SETD5: variants seen among roughly 807,000 people sequenced by gnomAD.
SETD5 encodes the protein histone-lysine N-methyltransferase SETD5.
Under a neutral mutation model 153.3 loss-of-function variants are expected in SETD5, and 44 were observed. The observed-to-expected ratio is 0.29, with a 90% CI of 0.23 to 0.37. The LOEUF (loss-of-function observed/expected upper bound fraction) is 0.37, where lower values mean the gene tolerates loss of function less well. SETD5 is among the 10% of genes least tolerant of loss of function. The probability of loss-of-function intolerance (pLI) is 1.00; values close to 1 mark genes in which losing one functional copy is unlikely to be tolerated. For missense variants in SETD5, 1,544 were observed against 1,768.0 expected, an observed-to-expected ratio of 0.87 and a Z score of 2.27; for synonymous variants, 716 against 645.2, an observed-to-expected ratio of 1.11 and a Z score of -1.66.
At chr3:9,457,664 A>G (rs951209910) in intron 17 of SETD5, among the ~76,000 whole-genome samples, 2 of 150,806 alleles carry the variant, frequency 1.3e-5, no homozygotes, top group African/African-American at 4.8e-5. Context: ...CTGCCTAGGA[A>G]TAACCTTAGT....
chr3:9,472,779 C>A (rs1022727347), intron 19 of SETD5, among the ~76,000 whole-genome samples: 1 of 152,044 alleles, frequency 6.6e-6, no homozygotes, highest in African/African-American at 2.4e-5. Flanking sequence ...TCTCAAACAG[C>A]TAACTCTAGG....
intron 16 of SETD5, among the ~76,000 whole-genome samples, chr3:9,450,382 A>G (rs2042477981): frequency 6.6e-6 from 1 of 152,230 alleles, no homozygotes; most frequent in East Asian, 1.9e-4. Context: ...CAGGATTATC[A>G]TAACAAGACT....
At chr3:9,465,178 TG>T (rs1206829993) in intron 18 of SETD5, among the ~76,000 whole-genome samples, 1 of 152,206 alleles carries the variant, frequency 6.6e-6, no homozygotes, top group African/African-American at 2.4e-5. Flanking sequence ...TTATGGCGAA[TG>T]TGGGTTTTTT....
intron 1 of SETD5, among the ~76,000 whole-genome samples, chr3:9,401,465 A>C (rs1319042765): frequency 6.6e-6 from 1 of 152,206 alleles, no homozygotes; most frequent in Non-Finnish European, 1.5e-5. Flanking sequence ...ATACCCTTGA[A>C]AACTTTTTTA....
At chr3:9,454,750 C>G (rs1402643046) in intron 17 of SETD5, among the ~76,000 whole-genome samples, 4 of 150,550 alleles carry the variant, frequency 2.7e-5, no homozygotes, top group African/African-American at 9.8e-5. Context: ...CAGTGACTTG[C>G]AAAGGATGTA....
intron 17 of SETD5, among the ~76,000 whole-genome samples, chr3:9,460,528 A>G (rs2043831214): frequency 6.6e-6 from 1 of 152,072 alleles, no homozygotes; most frequent in African/African-American, 2.4e-5. Context: ...CTAGAACAGA[A>G]TAACTGGAAT....
intron 12 of SETD5, 44 bp downstream of exon 12, chr3:9,445,344 C>T (rs372688203): frequency 8.9e-6 from 14 of 1,577,488 alleles, no homozygotes; most frequent in East Asian, 2.3e-5. Flanking sequence ...CATCAATCCT[C>T]CAAAGGAAGA....
rs1194452034 is a variant in SETD5 at position 9,445,045 on chromosome 3, C to T, written c.1188-3C>T. On this transcript the variant is annotated splice_polypyrimidine_tract_variant and splice_region_variant and intron_variant, in intron 11 of 22. Coordinates refer to ENST00000402198, the MANE Select transcript of SETD5 (RefSeq NM_001080517.3). The stretch of plus-strand genomic sequence containing the variant: ...AGGCATTTTGGTTGTTTCTTTGGAG[C>T]AGTAATTATAAAGTGGACTGTGCCT... The T allele has an allele frequency of 9.9e-6, 16 of 1,611,230 alleles. No individual in the cohort carries two copies. The highest frequency in any genetic ancestry group is 1.4e-5 in the Non-Finnish European group (16 of 1,178,528).
At position 9,473,205 on chromosome 3, in the gene SETD5, GT is replaced by G. The variant is rs1559493026; in HGVS notation, c.3196-25del. On this transcript the variant is annotated intron_variant, in intron 19 of 22. Transcript: ENST00000402198. ...ACTAATGATATCCAGATAGAGTACC[GT>G]TTTTTGTTTGTTTGTTTTTTCCTTT... is the stretch of plus-strand genomic sequence containing the variant. The G allele has an allele frequency of 1.9e-6, 3 of 1,599,470 alleles. No individual in the cohort carries two copies. The East Asian group carries it at 6.7e-5, about 36-fold the overall frequency.
chr3:9,413,644 G>A (rs1477714581), intron 1 of SETD5, among the ~76,000 whole-genome samples: 1 of 126,964 alleles, frequency 7.9e-6, no homozygotes. Context: ...GGTGGGGGGA[G>A]GCGGGGTGTG....
Position 9,441,994 on chromosome 3 carries a change from A to T in SETD5, c.960-134A>T. ...TTGTTCTTTAATCAAAAGCAGACAA[A>T]CGTGATGCTTTCCCAAGTTTAGGCG... On this transcript the variant is annotated intron_variant, in intron 9 of 22. Transcript: ENST00000402198. 5 of 737,952 alleles carry T rather than the reference A, an allele frequency of 6.8e-6. No homozygotes were observed. The South Asian group carries it at 7.2e-5, about 11-fold the overall frequency. The allele number at this position is 737,952 out of a possible 1,614,324, so 45.7% of individuals were successfully genotyped here.
chr3:9,471,225 A>T (rs2045264911), intron 19 of SETD5, among the ~76,000 whole-genome samples: 1 of 152,220 alleles, frequency 6.6e-6, no homozygotes, highest in Non-Finnish European at 1.5e-5. Context: ...GCACTGTATT[A>T]AGCTCTTTAA....
intron 3 of SETD5, 147 bp downstream of exon 3, chr3:9,429,156 A>T: frequency 2.4e-6 from 1 of 416,962 alleles, no homozygotes; most frequent in Non-Finnish European, 4.2e-6. Context: ...CTTTACCCCC[A>T]TTGAAGGTGG....
chr3:9,406,794 T>C (rs1401668760), intron 1 of SETD5, among the ~76,000 whole-genome samples: 1 of 152,190 alleles, frequency 6.6e-6, no homozygotes, highest in Non-Finnish European at 1.5e-5. Flanking sequence ...CATTTTAGGA[T>C]GGAGCTAAAA....
chr3:9,433,970 TCTC>T lies in SETD5; in HGVS notation c.177+22_177+24del. The T allele has an allele frequency of 3.7e-6, 6 of 1,613,074 alleles. No homozygotes were observed. The highest frequency in any genetic ancestry group is 5.1e-6 in the Non-Finnish European group (6 of 1,179,144). On this transcript the variant is annotated intron_variant, in intron 4 of 22. Transcript: ENST00000402198. ...TATGCTGTGAGTATGCATTTGTTTC[TCTC>T]CAGAACAGTGATCTTCCTGGAGTGT...
chr3:9,426,955 T>C (rs1246082036), intron 2 of SETD5, among the ~76,000 whole-genome samples: 1 of 152,110 alleles, frequency 6.6e-6, no homozygotes, highest in Non-Finnish European at 1.5e-5. Context: ...TGATTATGGC[T>C]CACCTCAGCC....
At position 9,475,970 on chromosome 3, in the gene SETD5, C is replaced by T. The variant is rs1365234739; in HGVS notation, c.4208C>T (p.Ser1403Phe). The T allele has an allele frequency of 1.2e-6, 2 of 1,613,898 alleles. No individual in the cohort carries two copies. Among genetic ancestry groups the T allele is most frequent in the East Asian group, 4.5e-5 (2 of 44,894 alleles). The change falls in exon 23 of 23, where the codon TCC (serine) becomes TTC (phenylalanine). Residue 1403 changes from serine to phenylalanine, a missense_variant. Coordinates refer to ENST00000402198, the MANE Select transcript of SETD5 (RefSeq NM_001080517.3). ...GGGCAGTCAGCTGTCTACCAGGCCT[C>T]CAGGGTATCTGCGGTTTCCAATTCA... ...SAGQSAVYQASRVSAVSNSQH... is the reference protein window; with the variant it reads ...SAGQSAVYQAFRVSAVSNSQH...
At chr3:9,475,368 A>T (rs901273035) in intron 22 of SETD5, 115 bp from the exon 23 acceptor site, 30 of 1,444,890 alleles carry the variant, frequency 2.1e-5, no homozygotes, top group Middle Eastern at 3.9e-4. Context: ...TGGTTTCCTA[A>T]AAAGAATACA....
At chr3:9,416,696 T>G (rs1349999634) in intron 1 of SETD5, among the ~76,000 whole-genome samples, 1 of 152,224 alleles carries the variant, frequency 6.6e-6, no homozygotes, top group Non-Finnish European at 1.5e-5. Context: ...CCTATCATTA[T>G]GATAAACATG....
Sources: allele counts gnomAD v4.1 joint callset (sites outside exome capture counted in the v4.1 genomes callset), GRCh38; gene constraint gnomAD v4.1.1; transcripts MANE v1.5; gene names NCBI Gene and HGNC (gene_info 2026-07-23, HGNC 2026-07-21).